Variants in SLC6A15 observed in about 807,000 individuals in gnomAD.
SLC6A15 encodes sodium-dependent neutral amino acid transporter B(0)AT2.
SLC6A15 carries 33 observed loss-of-function variants against 68.5 expected under a neutral mutation model. The observed-to-expected ratio is 0.48, with a 90% CI of 0.37 to 0.64. The LOEUF is 0.64. Among genes scored for constraint, SLC6A15 ranks in the 30% least tolerant of loss-of-function variants. The probability of loss-of-function intolerance (pLI) is 0.00; values close to 1 mark genes in which losing one functional copy is unlikely to be tolerated. For missense variants in SLC6A15, 747 were observed against 874.3 expected (o/e 0.85, Z 1.84); for synonymous variants, 347 against 301.0 (o/e 1.15, Z -1.58).
intron 5 of SLC6A15, chr12:84,883,513 CA>C: frequency 7.9e-7 from 1 of 1,273,160 alleles, no homozygotes; most frequent in Non-Finnish European, 9.9e-7. Flanking sequence ...CCACTTTCCC[CA>C]ATTTCCATAA....
intron 5 of SLC6A15, chr12:84,883,498 T>C: frequency 1.6e-6 from 2 of 1,255,190 alleles, no homozygotes; most frequent in Non-Finnish European, 2.0e-6. Flanking sequence ...GAATTACTCA[T>C]TTTACCACTT....
chr12:84,911,510 G>T (rs1873461112), intron 1 of SLC6A15, among the ~76,000 whole-genome samples: 1 of 152,206 alleles, frequency 6.6e-6, no homozygotes, highest in Admixed American at 6.5e-5. Flanking sequence ...GCGGGACGCT[G>T]GAGAGCGCGA....
chr12:84,902,663 G>A (rs1186996183), intron 1 of SLC6A15, among the ~76,000 whole-genome samples: 1 of 151,738 alleles, frequency 6.6e-6, no homozygotes, highest in African/African-American at 2.4e-5. Flanking sequence ...CTACTCAGCA[G>A]TAAAAAAGAA....
Position 84,859,827 on chromosome 12 carries a change from T to TAG in SLC6A15, c.*1803_*1804dup, listed in dbSNP as rs1424727583. 3.7e-4 allele frequency: 56 copies of TAG among 152,096 alleles called. No homozygotes were observed. The allele number at this position is 152,096 out of a possible 1,614,324, so 9.4% of individuals were successfully genotyped here. A position where few individuals can be genotyped will look rare whatever the true frequency, so the allele number is the denominator to read the frequency against. ...ATTATTCACAGAAATAGGTAAGATATAGAAGAGAGAATATAGAATGCTGTC... is the reference window on the plus strand; with the variant it reads ...ATTATTCACAGAAATAGGTAAGATATAGAGAAGAGAGAATATAGAATGCTGTC... On this transcript the variant is annotated 3_prime_UTR_variant, in exon 12 of 12. Coordinates refer to ENST00000266682, the MANE Select transcript of SLC6A15 (RefSeq NM_182767.6).
intron 6 of SLC6A15, among the ~76,000 whole-genome samples, chr12:84,875,671 TATATATATATATATATATATATATATATG>T (rs1408313453): frequency 0.12 from 11 of 90 alleles, no homozygotes; most frequent in East Asian, 0.25. Flanking sequence ...TATATATATA[TATATATATATATATATATATATATATATG>T]AGAATCAAAA....
At chr12:84,908,400 C>T (rs148159684) in intron 1 of SLC6A15, among the ~76,000 whole-genome samples, 2,721 of 151,784 alleles carry the variant, frequency 0.018, 90 homozygotes, top group African/African-American at 0.061. Context: ...CTTGTAAATT[C>T]AGAAACAACA....
intron 1 of SLC6A15, among the ~76,000 whole-genome samples, chr12:84,900,905 TATGTATATATATACATACATATATAC>T (rs897722260): frequency 1.1e-4 from 14 of 130,062 alleles, no homozygotes; most frequent in African/African-American, 4.8e-4. Flanking sequence ...TGTGTATAGA[TATGTATATATATACATACATATATAC>T]ATGTATATAT....
intron 1 of SLC6A15, 149 bp downstream of exon 1, chr12:84,912,374 C>T (rs1873511977): frequency 6.6e-6 from 1 of 152,566 alleles, no homozygotes; most frequent in Non-Finnish European, 1.5e-5. Context: ...TTGAGCTGCC[C>T]TCCCTCCTCC....
intron 9 of SLC6A15, 89 bp downstream of exon 9, chr12:84,870,388 AT>A: frequency 5.0e-6 from 4 of 802,580 alleles, no homozygotes; most frequent in Non-Finnish European, 7.3e-6. Flanking sequence ...AACTCAAAAT[AT>A]AAGACTTTCC....
chr12:84,886,137 C>A, intron 2 of SLC6A15, 69 bp from the exon 3 acceptor site: 3 of 1,083,738 alleles, frequency 2.8e-6, no homozygotes, highest in Admixed American at 4.4e-5. Flanking sequence ...TTCAGTTTAT[C>A]CCATTAAAGA....
rs141641653 is a variant in SLC6A15 at position 84,871,923 on chromosome 12, C to T, written c.1302+679G>A. ...ATCACAGCACTTTGGGAGGCCAAGGCGGGCAGATCATGAGGTCAAGTGTTC... is the reference window on the plus strand; with the variant it reads ...ATCACAGCACTTTGGGAGGCCAAGGTGGGCAGATCATGAGGTCAAGTGTTC... On this transcript the variant is annotated intron_variant, in intron 8 of 11. Transcript: ENST00000266682. Among the ~76,000 whole-genome samples the T allele has an allele frequency of 2.9e-3, 434 of 152,120 alleles. 4 individuals carry two copies. Among genetic ancestry groups the T allele is most frequent in the African/African-American group, 9.3e-3 (387 of 41,512 alleles).
intron 8 of SLC6A15, among the ~76,000 whole-genome samples, chr12:84,870,888 T>G (rs1001331187): frequency 6.6e-6 from 1 of 152,144 alleles, no homozygotes; most frequent in African/African-American, 2.4e-5. Flanking sequence ...ATTTTGCCTA[T>G]AATTAATAAA....
chr12:84,867,015 T>G lies in SLC6A15; in HGVS notation c.1655+19A>C, dbSNP rs1261315037. 1 of 1,539,044 alleles carries G rather than the reference T, an allele frequency of 6.5e-7. No homozygotes were observed. The highest frequency in any genetic ancestry group is 8.7e-7 in the Non-Finnish European group (1 of 1,144,290). On this transcript the variant is annotated intron_variant, in intron 10 of 11. Coordinates refer to ENST00000266682, the MANE Select transcript of SLC6A15 (RefSeq NM_182767.6). ...AAACTAGAGATTAAAAGTGAATACA[T>G]AAAAGCAAATATACTTACTTATCTA...
In SLC6A15 at chr12:84,869,386, C is replaced by T. The variant is rs924832850; in HGVS notation, c.1495+1092G>A. On this transcript the variant is annotated intron_variant, in intron 9 of 11. Transcript: ENST00000266682. ...CTGAGGCAGGAGAATGGCGTGAACC[C>T]GGGAGGCGGAGCTTGCAGTGAGCTG... 2.8e-5 allele frequency among the ~76,000 whole-genome samples: 4 copies of T among 143,386 alleles called. No individual in the cohort carries two copies. The South Asian group carries it at 8.9e-4, about 32-fold the overall frequency. 94.1% of individuals were successfully genotyped at this position (143,386 alleles called of 152,430 possible).
In SLC6A15 at chr12:84,883,876, T is replaced by C. The variant is rs146065527; in HGVS notation, c.739A>G (p.Ile247Val). 84 of 1,614,130 alleles carry C rather than the reference T, an allele frequency of 5.2e-5. No individual in the cohort carries two copies. The African/African-American group carries it at 8.7e-4, about 17-fold the overall frequency. Residue 247 changes from isoleucine (I) to valine (V), a missense_variant, in exon 5 of 12, where the codon ATT becomes GTT. Ile to Val is a conservative substitution (Grantham distance 29, BLOSUM62 3). Transcript: ENST00000266682. ...VMVCLAMIKG[I>V]QSSGKIIYFS... ...ATACTAACTTTTCCAGAAGACTGAA[T>C]GCCTTTGATCATAGCCAAGCAAACC...
At position 84,873,323 on chromosome 12, in the gene SLC6A15, T is replaced by G. The variant is rs1358739437; in HGVS notation, c.873A>C (p.Glu291Asp). 2 of 1,613,162 alleles carry G rather than the reference T, an allele frequency of 1.2e-6. No individual in the cohort carries two copies. Among genetic ancestry groups the G allele is most frequent in the Non-Finnish European group, 1.7e-6 (2 of 1,179,710 alleles). ...TCCAGACCTTGGGCTCCAGCATTAT[T>G]TCAAGCTGTTTAAAAATAAACATAA... ...GIRHMFTPKL[E>D]IMLEPKVWRE... The change falls in exon 7 of 12, where the codon GAA becomes GAC. Residue 291 changes from glutamate to aspartate, a missense_variant. By Grantham distance (45) the Glu-to-Asp change is conservative. Coordinates refer to ENST00000266682, the MANE Select transcript of SLC6A15 (RefSeq NM_182767.6).
chr12:84,862,915 G>A (rs1485746628), intron 11 of SLC6A15, among the ~76,000 whole-genome samples: 2 of 152,022 alleles, frequency 1.3e-5, no homozygotes, highest in African/African-American at 2.4e-5. Flanking sequence ...TCAGCCTGAC[G>A]AGTAGCTAGG....
rs986732537 is a variant in SLC6A15 at position 84,860,247 on chromosome 12, T to C, written c.*1385A>G. 1.3e-5 allele frequency: 2 copies of C among 152,088 alleles called. No homozygotes were observed. The highest frequency in any genetic ancestry group is 2.9e-5 in the Non-Finnish European group (2 of 67,960). The allele number at this position is 152,088 out of a possible 1,614,324, so 9.4% of individuals were successfully genotyped here. A position where few individuals can be genotyped will look rare whatever the true frequency, so the allele number is the denominator to read the frequency against. ...TATATCCATCATTGTTTTAAAAATG[T>C]AACTGATCTGGTGGTAGGATAAATG... On this transcript the variant is annotated 3_prime_UTR_variant, in exon 12 of 12. Coordinates refer to ENST00000266682, the MANE Select transcript of SLC6A15 (RefSeq NM_182767.6).
At chr12:84,906,396 A>G (rs1873156008) in intron 1 of SLC6A15, among the ~76,000 whole-genome samples, 1 of 152,228 alleles carries the variant, frequency 6.6e-6, no homozygotes, top group South Asian at 2.1e-4. Flanking sequence ...ATGAATTCCT[A>G]TCAAAATATC....
Sources: allele counts gnomAD v4.1 joint callset (sites outside exome capture counted in the v4.1 genomes callset), GRCh38; gene constraint gnomAD v4.1.1; transcripts MANE v1.5; gene names NCBI Gene and HGNC (gene_info 2026-07-23, HGNC 2026-07-21).